Variants in ZNF268 observed in about 807,000 individuals in gnomAD.
ZNF268 encodes the protein zinc finger protein 268, also known as zinc finger protein 3.
A neutral mutation model predicts 29.3 loss-of-function variants in ZNF268; 20 were observed. The observed-to-expected ratio is 0.68, with a 90% CI of 0.48 to 0.99. The LOEUF is 0.99. Ranked by LOEUF, ZNF268 falls within the 50% of genes least tolerant of loss-of-function variation. The pLI, the probability that ZNF268 is intolerant of heterozygous loss-of-function variation, is 0.00. For missense variants in ZNF268, 1,240 were observed against 1,121.6 expected, an observed-to-expected ratio of 1.11 and a Z score of -1.51; for synonymous variants, 429 against 376.9, an observed-to-expected ratio of 1.14 and a Z score of -1.60.
chr12:133,190,110 A>G (rs565861858), intron 3 of ZNF268, among the ~76,000 whole-genome samples: 48 of 152,270 alleles, frequency 3.2e-4, no homozygotes, highest in African/African-American at 1.1e-3. Flanking sequence ...GCCTGGCCCA[A>G]GTTTATCTGT....
chr12:133,190,514 A>T (rs1159355898), intron 3 of ZNF268, among the ~76,000 whole-genome samples: 1 of 152,100 alleles, frequency 6.6e-6, no homozygotes, highest in African/African-American at 2.4e-5. Context: ...GTGGTGTCTT[A>T]CTTTTGTCTG....
chr12:133,197,623 A>G (rs1039348138), intron 5 of ZNF268, among the ~76,000 whole-genome samples: 5 of 152,192 alleles, frequency 3.3e-5, no homozygotes, highest in African/African-American at 1.2e-4. Flanking sequence ...ACTGACTTCC[A>G]CAATGGTTGA....
At chr12:133,188,573 C>A (rs764074149) in intron 3 of ZNF268, among the ~76,000 whole-genome samples, 1 of 152,126 alleles carries the variant, frequency 6.6e-6, no homozygotes, top group Non-Finnish European at 1.5e-5. Context: ...TTTCCTCATA[C>A]TCAATTTTCA....
In ZNF268 at chr12:133,197,265, C is replaced by T. The variant is rs537105296; in HGVS notation, c.458-4879C>T. Among the ~76,000 whole-genome samples the T allele has an allele frequency of 2.5e-3, 362 of 145,396 alleles. 1 individual carries two copies. The highest frequency in any genetic ancestry group is 9.0e-3 in the African/African-American group (352 of 39,176). Reference sequence around the variant, plus strand: ...ATGTGTTCTCATTGTTCAATTCCCACCTATGAGTGAGAATATGCGGTGTTT... The same window carrying T: ...ATGTGTTCTCATTGTTCAATTCCCATCTATGAGTGAGAATATGCGGTGTTT... On this transcript the variant is annotated intron_variant, in intron 5 of 5. Transcript: ENST00000536435.
intron 2 of ZNF268, among the ~76,000 whole-genome samples, chr12:133,186,767 GT>G (rs1566365152): frequency 6.6e-6 from 1 of 152,158 alleles, no homozygotes; most frequent in African/African-American, 2.4e-5. Context: ...CTATTGATAT[GT>G]GCTATGACAA....
Position 133,204,174 on chromosome 12 carries a change from C to A in ZNF268, c.2488C>A (p.His830Asn). 6 of 1,541,444 alleles carry A rather than the reference C, an allele frequency of 3.9e-6. No homozygotes were observed. Among genetic ancestry groups the A allele is most frequent in the Non-Finnish European group, 5.2e-6 (6 of 1,147,246 alleles). ...KSLLIVHERT[H>N]AGVNPYKCSQ... The stretch of plus-strand genomic sequence containing the variant: ...ACTACTCATTGTACATGAGCGAACT[C>A]ATGCAGGGGTCAACCCTTATAAATG... Residue 830 changes from histidine (H) to asparagine (N), a missense_variant, in exon 6 of 6, where the codon CAT becomes AAT. By Grantham distance (68) the His-to-Asn change is moderately conservative. This residue lies in a region of ZNF268 where 1,177 missense variants were observed against 1,039.6 expected (regional missense o/e 1.13). Coordinates refer to ENST00000536435, the MANE Select transcript of ZNF268 (RefSeq NM_003415.3).
rs770904692 is a variant in ZNF268 at position 133,204,152 on chromosome 12, A to T, written c.2466A>T (p.Leu822=). The T allele has an allele frequency of 6.5e-7, 1 of 1,541,588 alleles. No homozygotes were observed. Among genetic ancestry groups the T allele is most frequent in the South Asian group, 1.2e-5 (1 of 84,118 alleles). Residue 822 remains leucine, a synonymous_variant, in exon 6 of 6, where the codon CTA becomes CTT. Coordinates refer to ENST00000536435, the MANE Select transcript of ZNF268 (RefSeq NM_003415.3). The part of the protein sequence containing the change: ...ECGKAFIWKS[L]LIVHERTHAG... ...GGAAAGCCTTCATTTGGAAATCACT[A>T]CTCATTGTACATGAGCGAACTCATG...
intron 5 of ZNF268, 39 bp from the exon 6 acceptor site, chr12:133,202,103 CAT>C (rs746615080): frequency 2.6e-5 from 38 of 1,476,082 alleles, no homozygotes; most frequent in Non-Finnish European, 2.1e-5. Context: ...ATACCGCAAT[CAT>C]GTGATTTATA....
intron 2 of ZNF268, among the ~76,000 whole-genome samples, chr12:133,183,349 A>G (rs1303112468): frequency 1.3e-5 from 2 of 152,006 alleles, no homozygotes; most frequent in Non-Finnish European, 2.9e-5. Context: ...AAAGGAGAGG[A>G]GGTGGCTGGG....
At chr12:133,186,712 A>G (rs1956326238) in intron 2 of ZNF268, among the ~76,000 whole-genome samples, 1 of 152,162 alleles carries the variant, frequency 6.6e-6, no homozygotes, top group African/African-American at 2.4e-5. Context: ...TTAATGGTGA[A>G]TGATGAAACG....
intron 2 of ZNF268, among the ~76,000 whole-genome samples, chr12:133,182,852 A>C (rs755532430): frequency 2.0e-4 from 30 of 152,292 alleles, no homozygotes; most frequent in Middle Eastern, 3.4e-3. Context: ...AAGATCATAG[A>C]GGGCTTTGAG....
Position 133,205,144 on chromosome 12 carries a change from T to TAAAAAAAAAACAAAAAAA in ZNF268, c.*624_*625insCAAAAAAAAAAAAAAAAA, listed in dbSNP as rs1956869085. 1 of 42,270 alleles carries TAAAAAAAAAACAAAAAAA rather than the reference T, an allele frequency of 2.4e-5. No homozygotes were observed. The highest frequency in any genetic ancestry group is 4.5e-5 in the Non-Finnish European group (1 of 22,218). The allele number at this position is 42,270 out of a possible 1,614,324, so 2.6% of individuals were successfully genotyped here. On this transcript the variant is annotated 3_prime_UTR_variant, in exon 6 of 6. Coordinates refer to ENST00000536435, the MANE Select transcript of ZNF268 (RefSeq NM_003415.3). ...TAACCTCACCTTAGAAGCTTCATTCTAAAAAAAAAAAAAAAAAAAAAAAAA... is the reference window on the plus strand; with the variant it reads ...TAACCTCACCTTAGAAGCTTCATTCTAAAAAAAAAACAAAAAAAAAAAAAAAAAAAAAAAAAAAAAAAA...
In ZNF268 at chr12:133,212,307, T is replaced by C. The variant is rs1189769992; in HGVS notation, c.*7777T>C. 1.3e-5 allele frequency: 2 copies of C among 151,586 alleles called. No individual in the cohort carries two copies. The highest frequency in any genetic ancestry group is 2.9e-5 in the Non-Finnish European group (2 of 67,916). The allele number at this position is 151,586 out of a possible 1,614,324, so 9.4% of individuals were successfully genotyped here. A position where few individuals can be genotyped will look rare whatever the true frequency, so the allele number is the denominator to read the frequency against. ...CTCTGCTTGGTGAAATTATGCTGGGTGTGTGTGGAAGAGCCTGGGATGTAT... is the reference window on the plus strand; with the variant it reads ...CTCTGCTTGGTGAAATTATGCTGGGCGTGTGTGGAAGAGCCTGGGATGTAT... On this transcript the variant is annotated 3_prime_UTR_variant, in exon 6 of 6. Transcript: ENST00000536435.
At position 133,204,716 on chromosome 12, in the gene ZNF268, A is replaced by G; in HGVS notation, c.*186A>G. 3 of 484,634 alleles carry G rather than the reference A, an allele frequency of 6.2e-6. No individual in the cohort carries two copies. The highest frequency in any genetic ancestry group is 3.6e-6 in the Non-Finnish European group (1 of 280,952). The allele number at this position is 484,634 out of a possible 1,614,324, so 30.0% of individuals were successfully genotyped here. On this transcript the variant is annotated 3_prime_UTR_variant, in exon 6 of 6. Coordinates refer to ENST00000536435, the MANE Select transcript of ZNF268 (RefSeq NM_003415.3). The stretch of plus-strand genomic sequence containing the variant: ...TGTTCTTTACATGCAAAAAGATAGT[A>G]GACAATACACAGGAAAACTGAATTT...
In ZNF268 at chr12:133,203,141, A is replaced by C. The variant is rs1161401894; in HGVS notation, c.1455A>C (p.Ser485=). Residue 485 remains serine (S), a synonymous_variant, in exon 6 of 6, where the codon TCA becomes TCC. Coordinates refer to ENST00000536435, the MANE Select transcript of ZNF268 (RefSeq NM_003415.3). Reference sequence around the variant, plus strand: ...GTGGTAAAGGATTCAGTTTGAAATCACAGCTCATTGTACATCAGAGAAGTC... The same window carrying C: ...GTGGTAAAGGATTCAGTTTGAAATCCCAGCTCATTGTACATCAGAGAAGTC... ...IQCGKGFSLK[S]QLIVHQRSHT... The C allele has an allele frequency of 6.5e-7, 1 of 1,537,642 alleles. No homozygotes were observed. Among genetic ancestry groups the C allele is most frequent in the Admixed American group, 2.0e-5 (1 of 50,988 alleles).
intron 5 of ZNF268, among the ~76,000 whole-genome samples, chr12:133,200,322 A>G (rs1197607536): frequency 6.6e-6 from 1 of 152,170 alleles, no homozygotes; most frequent in South Asian, 2.1e-4. Context: ...TTCAGTTTCC[A>G]TGTAGTTGAG....
intron 5 of ZNF268, 103 bp downstream of exon 5, chr12:133,192,106 ACT>A: frequency 1.3e-5 from 10 of 768,952 alleles, no homozygotes; most frequent in Non-Finnish European, 1.9e-5. Context: ...ATTACCATGC[ACT>A]TTTTTTTTTT....
At position 133,203,993 on chromosome 12, in the gene ZNF268, A is replaced by T. The variant is rs768953150; in HGVS notation, c.2307A>T (p.Ser769=). The T allele has an allele frequency of 8.2e-6, 13 of 1,583,846 alleles. No individual in the cohort carries two copies. The East Asian group carries it at 3.0e-4, about 36-fold the overall frequency. ...TTAATAGGAAAGACCAGCTCATTTC[A>T]CATCAGCGAACTCATGCAGGGGAAA... ...KAFNRKDQLI[S]HQRTHAGEKP... The change falls in exon 6 of 6, where the codon TCA becomes TCT. Residue 769 remains serine (S), a synonymous_variant. Coordinates refer to ENST00000536435, the MANE Select transcript of ZNF268 (RefSeq NM_003415.3).
At chr12:133,198,063 C>T (rs1326328519) in intron 5 of ZNF268, among the ~76,000 whole-genome samples, 1 of 151,934 alleles carries the variant, frequency 6.6e-6, no homozygotes, top group African/African-American at 2.4e-5. Flanking sequence ...TCAATTTTGG[C>T]TTTTGTTGCC....
Sources: gnomAD v4.1 joint callset for allele counts (sites outside exome capture counted in the v4.1 genomes callset) on GRCh38, gnomAD v4.1.1 for gene constraint, gnomAD v4.1.1 regional missense constraint, MANE v1.5 for transcripts, NCBI Gene and HGNC (gene_info 2026-07-23, HGNC 2026-07-21) for gene names.